The following SLC13A2 variants were observed in gnomAD, a reference collection of about 807,000 sequenced individuals.
SLC13A2 encodes Na(+)-coupled citrate transporter.
Under a neutral mutation model 58.5 loss-of-function variants are expected in SLC13A2, and 40 were observed. That is an observed-to-expected ratio of 0.68 (90% CI 0.53 to 0.89). The LOEUF (loss-of-function observed/expected upper bound fraction) is 0.89, where lower values mean the gene tolerates loss of function less well. SLC13A2 is among the 40% of genes least tolerant of loss of function. SLC13A2 has a pLI of 0.00. For synonymous variants in SLC13A2, 341 were observed against 331.6 expected (o/e 1.03, Z -0.31); for missense variants, 694 against 772.6 (o/e 0.90, Z 1.21).
rs368115912 is a variant in SLC13A2 at position 28,491,388 on chromosome 17, C to T, written c.575-49C>T. On this transcript the variant is annotated intron_variant, in intron 4 of 11. Transcript: ENST00000314669. Reference sequence around the variant, plus strand: ...GCCTTGCAGCCCTGGCCCCGTTCCCCAGAGCTGGCCCTGTACCTGCCCCCA... The same window carrying T: ...GCCTTGCAGCCCTGGCCCCGTTCCCTAGAGCTGGCCCTGTACCTGCCCCCA... 1.3e-4 allele frequency: 203 copies of T among 1,600,560 alleles called. 1 individual carries two copies. In the African/African-American group the frequency reaches 2.6e-3, roughly 20 times the overall value.
Position 28,493,780 on chromosome 17 carries a change from A to T in SLC13A2, c.1088A>T (p.Lys363Met). 1 of 1,614,114 alleles carries T rather than the reference A, an allele frequency of 6.2e-7. No individual in the cohort carries two copies. Among genetic ancestry groups the T allele is most frequent in the East Asian group, 2.2e-5 (1 of 44,878 alleles). Reference sequence around the variant, plus strand: ...GGCAATTTGGCTTTTCCCAATGCCAAGGGGGAGAGGTGAGAGTTGCAGGGG... The same window carrying T: ...GGCAATTTGGCTTTTCCCAATGCCATGGGGGAGAGGTGAGAGTTGCAGGGG... ...GWGNLAFPNAKGESMVSDGTV... is the reference protein window; with the variant it reads ...GWGNLAFPNAMGESMVSDGTV... The change falls in exon 7 of 12, where the codon AAG (lysine) becomes ATG (methionine). Residue 363 changes from lysine to methionine, a missense_variant. Lys to Met is a moderately conservative substitution (Grantham distance 95). Coordinates refer to ENST00000314669, the MANE Select transcript of SLC13A2 (RefSeq NM_003984.4).
Position 28,493,559 on chromosome 17 carries a change from C to A in SLC13A2, c.879-12C>A. The stretch of plus-strand genomic sequence containing the variant: ...AGGCCCCCCACGAGCTGCCCCGTCC[C>A]TCTGCCTGCAGCTTCCGGAAGAACT... On this transcript the variant is annotated splice_polypyrimidine_tract_variant and intron_variant, in intron 6 of 11. Coordinates refer to ENST00000314669, the MANE Select transcript of SLC13A2 (RefSeq NM_003984.4). 6.3e-7 allele frequency: 1 copy of A among 1,593,120 alleles called. No individual in the cohort carries two copies. The highest frequency in any genetic ancestry group is 1.1e-5 in the South Asian group (1 of 88,474).
chr17:28,495,256 C>T (rs985214043), intron 9 of SLC13A2, among the ~76,000 whole-genome samples: 2 of 152,206 alleles, frequency 1.3e-5, no homozygotes, highest in Admixed American at 6.5e-5. Context: ...CCAACTTTCC[C>T]TCCCTGCCAG....
Position 28,496,558 on chromosome 17 carries a change from T to C in SLC13A2, c.1579T>C (p.Ser527Pro). ...CACCCCGCCCAATGCCATCGTCTTCTCTTTCGGGGACCTCAAAGTGTTGGA... is the reference window on the plus strand; with the variant it reads ...CACCCCGCCCAATGCCATCGTCTTCCCTTTCGGGGACCTCAAAGTGTTGGA... ...VATPPNAIVF[S>P]FGDLKVLDMA... is the part of the protein sequence containing the mutation. Residue 527 changes from serine to proline, a missense_variant, in exon 11 of 12, where the codon TCT becomes CCT. Coordinates refer to ENST00000314669, the MANE Select transcript of SLC13A2 (RefSeq NM_003984.4). The surrounding 1 kb of genome is among the most constrained non-coding windows in gnomAD (Gnocchi z 4.2). 1 of 1,613,668 alleles carries C rather than the reference T, an allele frequency of 6.2e-7. No individual in the cohort carries two copies. The highest frequency in any genetic ancestry group is 2.2e-5 in the East Asian group (1 of 44,844).
chr17:28,483,188 C>A (rs1272076626), intron 1 of SLC13A2, among the ~76,000 whole-genome samples: 1 of 152,222 alleles, frequency 6.6e-6, no homozygotes, highest in Non-Finnish European at 1.5e-5. Context: ...CTGCCACACA[C>A]CCCGGGTCCG....
intron 1 of SLC13A2, among the ~76,000 whole-genome samples, chr17:28,477,125 A>G (rs559604934): frequency 6.6e-6 from 1 of 150,524 alleles, no homozygotes; most frequent in East Asian, 2.0e-4. Flanking sequence ...ACGCCATTGC[A>G]CTCCAGTCTG....
intron 11 of SLC13A2, 30 bp from the exon 12 acceptor site, chr17:28,497,069 G>A: frequency 1.9e-6 from 3 of 1,607,742 alleles, no homozygotes; most frequent in Non-Finnish European, 2.6e-6. Flanking sequence ...CCCAGTCCCT[G>A]CTTAGCCAAA....
intron 1 of SLC13A2, among the ~76,000 whole-genome samples, chr17:28,480,463 C>G (rs1383891048): frequency 6.6e-6 from 1 of 152,176 alleles, no homozygotes; most frequent in Non-Finnish European, 1.5e-5. Context: ...TGGGCCCCAC[C>G]TCTACCTTTT....
At position 28,497,218 on chromosome 17, in the gene SLC13A2, C is replaced by T; in HGVS notation, c.1728C>T (p.Thr576=). 6.2e-7 allele frequency: 1 copy of T among 1,614,122 alleles called. No homozygotes were observed. The highest frequency in any genetic ancestry group is 8.5e-7 in the Non-Finnish European group (1 of 1,180,008). Residue 576 remains threonine (T), a synonymous_variant, in exon 12 of 12, where the codon ACC becomes ACT. Transcript: ENST00000314669. ...TCCCCTCCTGGGCACAGTCCAACACCACAGCCCAGTGCCTGCCAAGCCTGG... is the reference window on the plus strand; with the variant it reads ...TCCCCTCCTGGGCACAGTCCAACACTACAGCCCAGTGCCTGCCAAGCCTGG... The part of the protein sequence containing the change: ...HSFPSWAQSN[T]TAQCLPSLAN...
intron 6 of SLC13A2, 36 bp from the exon 7 acceptor site, chr17:28,493,534 AG>A (rs1383942289): frequency 1.3e-6 from 2 of 1,540,484 alleles, no homozygotes; most frequent in Non-Finnish European, 1.8e-6. Flanking sequence ...CTGCTGGAGC[AG>A]GCCCCCCACG....
intron 4 of SLC13A2, among the ~76,000 whole-genome samples, 165 bp downstream of exon 4, chr17:28,491,071 A>C (rs1461308073): frequency 1.3e-5 from 2 of 152,236 alleles, no homozygotes; most frequent in East Asian, 3.8e-4. Flanking sequence ...AAAAATGTCA[A>C]GTACCCTGTT....
At chr17:28,476,766 C>T (rs1369970489) in intron 1 of SLC13A2, among the ~76,000 whole-genome samples, 1 of 152,236 alleles carries the variant, frequency 6.6e-6, no homozygotes, top group Non-Finnish European at 1.5e-5. Flanking sequence ...TACTTCCTCT[C>T]TGGCTTCCTG....
At position 28,494,026 on chromosome 17, in the gene SLC13A2, C is replaced by A. The variant is rs782497892; in HGVS notation, c.1107C>A (p.Ser369=). The change falls in exon 8 of 12, where the codon TCC becomes TCA. Residue 369 remains serine (S), a synonymous_variant. Transcript: ENST00000314669. This position sits in a 1 kb window ranked among gnomAD's most constrained non-coding sequence, Gnocchi z 4.0. ...FPNAKGESMV[S]DGTVAIFIGI... ...CCCCCTCCACCAACAGCATGGTGTC[C>A]GATGGGACAGTGGCCATCTTCATCG... 3.1e-6 allele frequency: 5 copies of A among 1,613,966 alleles called. No individual in the cohort carries two copies. Among genetic ancestry groups the A allele is most frequent in the Non-Finnish European group, 4.2e-6 (5 of 1,179,986 alleles).
At chr17:28,479,447 T>C (rs2068745600) in intron 1 of SLC13A2, among the ~76,000 whole-genome samples, 1 of 152,086 alleles carries the variant, frequency 6.6e-6, no homozygotes, top group South Asian at 2.1e-4. Context: ...CCTACAAGGC[T>C]ACAGGGAGGA....
chr17:28,491,815 G>C lies in SLC13A2; in HGVS notation c.841G>C (p.Ala281Pro). ...FPTMVILLLL[A>P]WLWLQILFLG... ...CACCATGGTCATCTTGCTGCTGCTG[G>C]CCTGGTTGTGGCTGCAGATCCTCTT... is the stretch of plus-strand genomic sequence containing the variant. The change falls in exon 6 of 12, where the codon GCC becomes CCC. Residue 281 changes from alanine to proline, a missense_variant. Physicochemically the swap from Ala to Pro is conservative, Grantham distance 27. Transcript: ENST00000314669. 6.2e-7 allele frequency: 1 copy of C among 1,614,164 alleles called. No individual in the cohort carries two copies. The highest frequency in any genetic ancestry group is 8.5e-7 in the Non-Finnish European group (1 of 1,180,018).
intron 1 of SLC13A2, among the ~76,000 whole-genome samples, chr17:28,483,613 GGCAACAGAGTGAGACCCTGTCTCTTAA>G (rs782058836): frequency 6.6e-6 from 1 of 152,000 alleles, no homozygotes; most frequent in African/African-American, 2.4e-5. Context: ...CTCCAGTCTG[GGCAACAGAGTGAGACCCTGTCTCTTAA>G]AAAAAATTTT....
chr17:28,493,845 G>T (rs782160963), intron 7 of SLC13A2, 56 bp downstream of exon 7: 6 of 1,590,472 alleles, frequency 3.8e-6, no homozygotes, highest in Non-Finnish European at 4.3e-6. Flanking sequence ...TGCTCGGGAA[G>T]GAGGGAAGGG....
At chr17:28,485,909 T>A (rs999193502) in intron 1 of SLC13A2, among the ~76,000 whole-genome samples, 11 of 152,096 alleles carry the variant, frequency 7.2e-5, no homozygotes, top group Admixed American at 3.3e-4. Flanking sequence ...GCAAGAGAAT[T>A]GCCTGTGCCC....
chr17:28,493,968 C>A (rs782064220), intron 7 of SLC13A2, 49 bp from the exon 8 acceptor site: 4 of 1,575,920 alleles, frequency 2.5e-6, no homozygotes, highest in Non-Finnish European at 3.5e-6. Flanking sequence ...TGGCCCTGAG[C>A]AACCCCAAGC....
Sources: gnomAD v4.1 joint callset for allele counts (sites outside exome capture counted in the v4.1 genomes callset) on GRCh38, gnomAD v4.1.1 for gene constraint, Gnocchi (gnomAD v3.1) non-coding constraint, MANE v1.5 for transcripts, NCBI Gene and HGNC (gene_info 2026-07-23, HGNC 2026-07-21) for gene names.